Variants in ANKRD13C observed in about 807,000 individuals in gnomAD.
The protein encoded by ANKRD13C is ankyrin repeat domain-containing protein 13C.
A neutral mutation model predicts 65.5 loss-of-function variants in ANKRD13C; 16 were observed. That is an observed-to-expected ratio of 0.24 (90% CI 0.17 to 0.37). The LOEUF is 0.37. Ranked by LOEUF, ANKRD13C falls within the 10% of genes least tolerant of loss-of-function variation. The pLI is 1.00. For synonymous variants in ANKRD13C, 235 were observed against 238.7 expected (o/e 0.98, Z 0.14); for missense variants, 503 against 655.9 (o/e 0.77, Z 2.55).
At chr1:70,301,657 C>G (rs1241650452) in intron 6 of ANKRD13C, among the ~76,000 whole-genome samples, 1 of 152,200 alleles carries the variant, frequency 6.6e-6, no homozygotes, top group Non-Finnish European at 1.5e-5. Flanking sequence ...GTATCTAATA[C>G]TCATGGATTC....
intron 3 of ANKRD13C, among the ~76,000 whole-genome samples, chr1:70,318,133 A>G (rs1320316818): frequency 6.6e-6 from 1 of 152,242 alleles, no homozygotes; most frequent in African/African-American, 2.4e-5. Context: ...ATGCACATTC[A>G]GAAAGCAATT....
chr1:70,273,966 C>T (rs1392403016), intron 11 of ANKRD13C, among the ~76,000 whole-genome samples: 1 of 151,912 alleles, frequency 6.6e-6, no homozygotes, highest in Non-Finnish European at 1.5e-5. Context: ...AAGACACACT[C>T]ACTTTTAAAT....
intron 9 of ANKRD13C, among the ~76,000 whole-genome samples, chr1:70,278,050 G>T (rs1449023818): frequency 6.6e-6 from 1 of 151,734 alleles, no homozygotes; most frequent in African/African-American, 2.4e-5. Context: ...TTAGCTGAGT[G>T]TGGTGGTGCG....
intron 2 of ANKRD13C, among the ~76,000 whole-genome samples, chr1:70,329,262 G>A (rs1047143851): frequency 1.1e-4 from 16 of 152,196 alleles, no homozygotes; most frequent in African/African-American, 3.9e-4. Flanking sequence ...CAGGAGCAGT[G>A]GCTCACACTT....
Position 70,265,940 on chromosome 1 carries a change from A to AGAAGGAAG in ANKRD13C, c.1496-3101_1496-3094dup, listed in dbSNP as rs372808790. 6.6e-3 allele frequency among the ~76,000 whole-genome samples: 990 copies of AGAAGGAAG among 151,016 alleles called. 16 individuals are homozygous for AGAAGGAAG. Among genetic ancestry groups the AGAAGGAAG allele is most frequent in the African/African-American group, 0.023 (922 of 40,882 alleles). ...AAAGAGAGAGGGAGGAAGGGAGGGA[A>AGAAGGAAG]GAAGGAAGGAAGGAGGAAGCAAGGG... On this transcript the variant is annotated intron_variant, in intron 12 of 12. Transcript: ENST00000370944.
intron 6 of ANKRD13C, among the ~76,000 whole-genome samples, chr1:70,303,553 T>C (rs374116496): frequency 1.3e-5 from 2 of 152,212 alleles, no homozygotes; most frequent in Non-Finnish European, 2.9e-5. Context: ...TTTGTATTTA[T>C]GGTCAAAATC....
At chr1:70,309,167 G>C (rs1420145497) in intron 5 of ANKRD13C, among the ~76,000 whole-genome samples, 1 of 151,268 alleles carries the variant, frequency 6.6e-6, no homozygotes, top group African/African-American at 2.4e-5. Flanking sequence ...CCGCCTCCCA[G>C]GTTCAAGTGA....
chr1:70,328,737 T>A (rs1180626357), intron 2 of ANKRD13C, among the ~76,000 whole-genome samples: 1 of 152,158 alleles, frequency 6.6e-6, no homozygotes. Context: ...AGTATTTCTA[T>A]ATAATAATAA....
chr1:70,266,978 C>A (rs1466979803), intron 12 of ANKRD13C, among the ~76,000 whole-genome samples: 2 of 152,114 alleles, frequency 1.3e-5, no homozygotes, highest in Non-Finnish European at 2.9e-5. Context: ...TGATCTACAT[C>A]CTTGCAAATT....
At chr1:70,302,965 G>T (rs1321216852) in intron 6 of ANKRD13C, among the ~76,000 whole-genome samples, 1 of 152,102 alleles carries the variant, frequency 6.6e-6, no homozygotes, top group Non-Finnish European at 1.5e-5. Flanking sequence ...AGGTGAAAGT[G>T]GTAGTGGGTT....
intron 8 of ANKRD13C, among the ~76,000 whole-genome samples, chr1:70,293,052 T>G (rs1409163180): frequency 6.6e-6 from 1 of 152,164 alleles, no homozygotes; most frequent in East Asian, 1.9e-4. Flanking sequence ...ACATTCTCTA[T>G]TCTCTAACAG....
rs546619142 is a variant in ANKRD13C, at chr1:70,331,570, G to A, written c.472+4488C>T. On this transcript the variant is annotated intron_variant, in intron 2 of 12. Coordinates refer to ENST00000370944, the MANE Select transcript of ANKRD13C (RefSeq NM_030816.5). ...ACGTATAGAACACTAAGTAGGCCAC[G>A]CACAGTGGATCTGTAAATCTCAGCA... Among the ~76,000 whole-genome samples, 6 of 151,142 alleles carry A rather than the reference G, an allele frequency of 4.0e-5. No individual in the cohort carries two copies. In the East Asian group the frequency reaches 9.9e-4, roughly 25 times the overall value.
At chr1:70,315,659 G>T in intron 3 of ANKRD13C, 93 bp from the exon 4 acceptor site, 2 of 943,910 alleles carry the variant, frequency 2.1e-6, no homozygotes, top group Non-Finnish European at 3.2e-6. Context: ...GATAATACAT[G>T]TACACATATA....
intron 3 of ANKRD13C, among the ~76,000 whole-genome samples, chr1:70,321,770 A>T (rs1362638643): frequency 6.6e-6 from 1 of 152,222 alleles, no homozygotes; most frequent in African/African-American, 2.4e-5. Flanking sequence ...ATAATCTTGA[A>T]ATTTTATTAT....
In ANKRD13C at chr1:70,262,771, G is replaced by A; in HGVS notation, c.1572C>T (p.Ile524=). The change falls in exon 13 of 13, where the codon ATC becomes ATT. Residue 524 remains isoleucine, a synonymous_variant. Coordinates refer to ENST00000370944, the MANE Select transcript of ANKRD13C (RefSeq NM_030816.5). The part of the protein sequence containing the change: ...EFRYDEFDGS[I]FTIPDDYKED... ...CCTTGTAGTCATCAGGTATAGTAAA[G>A]ATGGAGCCATCAAATTCATCGTATC... The A allele has an allele frequency of 6.2e-7, 1 of 1,613,648 alleles. No individual in the cohort carries two copies. Among genetic ancestry groups the A allele is most frequent in the African/African-American group, 1.3e-5 (1 of 74,978 alleles).
At chr1:70,335,975 C>G (rs1259850384) in intron 2 of ANKRD13C, 83 bp downstream of exon 2, 10 of 416,608 alleles carry the variant, frequency 2.4e-5, no homozygotes, top group Non-Finnish European at 4.1e-5. Context: ...TTTAAAAACT[C>G]AAAAGACAAA....
intron 7 of ANKRD13C, among the ~76,000 whole-genome samples, chr1:70,297,311 T>TTTTTTA: frequency 2.1e-5 from 3 of 144,402 alleles, no homozygotes; most frequent in African/African-American, 7.8e-5. Flanking sequence ...TTTTTTTTTT[T>TTTTTTA]GAGACAGAGT....
chr1:70,324,729 T>A lies in ANKRD13C; in HGVS notation c.577+124A>T, dbSNP rs1433942217. On this transcript the variant is annotated intron_variant, in intron 3 of 12. Coordinates refer to ENST00000370944, the MANE Select transcript of ANKRD13C (RefSeq NM_030816.5). The stretch of plus-strand genomic sequence containing the variant: ...GTTCCTAAGTCATGAATAATTCACA[T>A]GTAAGTTTACACATAATTGCAAAAG... 6 of 584,970 alleles carry A rather than the reference T, an allele frequency of 1.0e-5. No individual in the cohort carries two copies. The East Asian group carries it at 1.8e-4, about 18-fold the overall frequency. The allele number at this position is 584,970 out of a possible 1,614,324, so 36.2% of individuals were successfully genotyped here.
At chr1:70,344,820 A>G (rs908919085) in intron 1 of ANKRD13C, among the ~76,000 whole-genome samples, 2 of 152,002 alleles carry the variant, frequency 1.3e-5, no homozygotes, top group African/African-American at 2.4e-5. Flanking sequence ...GATATTTATC[A>G]TATTAGAAAT....
Sources: gnomAD v4.1 joint callset for allele counts (sites outside exome capture counted in the v4.1 genomes callset) on GRCh38, gnomAD v4.1.1 for gene constraint, MANE v1.5 for transcripts, NCBI Gene and HGNC (gene_info 2026-07-23, HGNC 2026-07-21) for gene names.